Variants in EIF2S3B observed in about 807,000 individuals in gnomAD.
EIF2S3B encodes eukaryotic translation initiation factor 2 subunit 3B.
EIF2S3B carries 16 observed loss-of-function variants against 26.4 expected under a neutral mutation model. That is an observed-to-expected ratio of 0.61 (90% CI 0.41 to 0.92). The LOEUF is 0.92. EIF2S3B is among the 40% of genes least tolerant of loss of function. The pLI, the probability that EIF2S3B is intolerant of heterozygous loss-of-function variation, is 0.00. For synonymous variants in EIF2S3B, 183 were observed against 204.4 expected (o/e 0.90, Z 0.89); for missense variants, 510 against 575.5 (o/e 0.89, Z 1.16).
At chr12:10,511,538 G>A (rs541956397), downstream of EIF2S3B, among the ~76,000 whole-genome samples, 1 of 152,124 alleles carries the variant, frequency 6.6e-6, no homozygotes, top group Non-Finnish European at 1.5e-5. Context: ...ATATTTTGAA[G>A]TGTCAGAACA....
rs1466590376 is a variant in EIF2S3B, at chr12:10,506,913, T to G, written c.1011T>G (p.Ile337Met). The change falls in exon 1 of 1, where the codon ATT becomes ATG. Residue 337 changes from isoleucine to methionine, a missense_variant. Ile to Met is a conservative substitution (Grantham distance 10). Coordinates refer to ENST00000538173, the MANE Select transcript of EIF2S3B (RefSeq NM_001357734.3). ...DLQYAAPGGLIGVGTKIDPTL... is the reference protein window; with the variant it reads ...DLQYAAPGGLMGVGTKIDPTL... Reference sequence around the variant, plus strand: ...AATATGCTGCTCCAGGCGGTCTTATTGGAGTTGGAACAAAAATTGACCCCA... The same window carrying G: ...AATATGCTGCTCCAGGCGGTCTTATGGGAGTTGGAACAAAAATTGACCCCA... 5.0e-6 allele frequency: 8 copies of G among 1,613,702 alleles called. No homozygotes were observed. The highest frequency in any genetic ancestry group is 3.3e-5 in the Admixed American group (2 of 59,994).
At position 10,507,165 on chromosome 12, in the gene EIF2S3B, G is replaced by T; in HGVS notation, c.1263G>T (p.Lys421Asn). The T allele has an allele frequency of 6.2e-7, 1 of 1,613,896 alleles. No homozygotes were observed. The highest frequency in any genetic ancestry group is 2.2e-5 in the East Asian group (1 of 44,884). Residue 421 changes from lysine to asparagine, a missense_variant, in exon 1 of 1, where the codon AAG becomes AAT. Coordinates refer to ENST00000538173, the MANE Select transcript of EIF2S3B (RefSeq NM_001357734.3). ...CAGGAGGGAGAGTTAGTGCTGTCAA[G>T]GCCGATTTGGGCAAAATTGTTTTGA... Reference protein sequence around the residue: ...LSTGGRVSAVKADLGKIVLTN... With the variant: ...LSTGGRVSAVNADLGKIVLTN...
At chr12:10,519,951 G>A (rs1864812258) in intron 1 of EIF2S3B, among the ~76,000 whole-genome samples, 1 of 152,104 alleles carries the variant, frequency 6.6e-6, no homozygotes, top group Non-Finnish European at 1.5e-5. Context: ...AGTCAGTGTG[G>A]CAATGCCTCA....
At position 10,519,646 on chromosome 12, in the gene EIF2S3B, C is replaced by T. The variant is rs183542321; in HGVS notation, c.1309-2957C>T. Among the ~76,000 whole-genome samples the T allele has an allele frequency of 7.6e-4, 115 of 152,222 alleles. 2 individuals are homozygous for T. The highest frequency in any genetic ancestry group is 3.4e-3 in the Middle Eastern group (1 of 294). Reference sequence around the variant, plus strand: ...GCTAATATCCAGAATCTACAATGAACTCAAACAAATTTACAGGAAAAAAAC... The same window carrying T: ...GCTAATATCCAGAATCTACAATGAATTCAAACAAATTTACAGGAAAAAAAC... On this transcript the variant is annotated intron_variant, in intron 1 of 1. Transcript: ENST00000322446.
At position 10,507,524 on chromosome 12, in the gene EIF2S3B, G is replaced by A. The variant is rs1233480598; in HGVS notation, c.*203G>A. On this transcript the variant is annotated 3_prime_UTR_variant, in exon 1 of 1. Transcript: ENST00000538173. ...CAATTAGTATAAAAATTGGCATAATGTTGGATTGAATCTACATTTTGGCAG... is the reference window on the plus strand; with the variant it reads ...CAATTAGTATAAAAATTGGCATAATATTGGATTGAATCTACATTTTGGCAG... The A allele has an allele frequency of 6.3e-6, 4 of 632,344 alleles. No homozygotes were observed. The African/African-American group carries it at 7.4e-5, about 12-fold the overall frequency. 39.2% of individuals were successfully genotyped at this position (632,344 alleles called of 1,614,324 possible). A position where few individuals can be genotyped will look rare whatever the true frequency, so the allele number is the denominator to read the frequency against.
At chr12:10,509,610 C>T (rs890775808), downstream of EIF2S3B, among the ~76,000 whole-genome samples, 5 of 151,862 alleles carry the variant, frequency 3.3e-5, no homozygotes, top group East Asian at 1.9e-4. Flanking sequence ...ATCCAAATTG[C>T]ACAACCAATT....
At chr12:10,520,275 C>T (rs1054663809) in intron 1 of EIF2S3B, among the ~76,000 whole-genome samples, 1 of 150,278 alleles carries the variant, frequency 6.7e-6, no homozygotes, top group Non-Finnish European at 1.5e-5. Context: ...AAACCAAACA[C>T]CGCATGTTCT....
rs569023433 is a variant in EIF2S3B at position 10,507,467 on chromosome 12, T to C, written c.*146T>C. The C allele has an allele frequency of 7.2e-6, 6 of 835,202 alleles. No individual in the cohort carries two copies. The highest frequency in any genetic ancestry group is 1.9e-5 in the South Asian group (1 of 52,014). 51.7% of individuals were successfully genotyped at this position (835,202 alleles called of 1,614,324 possible). On this transcript the variant is annotated 3_prime_UTR_variant, in exon 1 of 1. Transcript: ENST00000538173. Reference sequence around the variant, plus strand: ...AGGTAACGGTAAGGTTATTCTCTCTTTTTTTTTTTGGTTATGAAAACTTAG... The same window carrying C: ...AGGTAACGGTAAGGTTATTCTCTCTCTTTTTTTTTGGTTATGAAAACTTAG...
chr12:10,518,379 T>G (rs1247540275), intron 1 of EIF2S3B, among the ~76,000 whole-genome samples: 1 of 152,172 alleles, frequency 6.6e-6, no homozygotes, highest in Non-Finnish European at 1.5e-5. Context: ...TCTTTTGATC[T>G]TTGTTGGTTT....
In EIF2S3B at chr12:10,507,559, AT is replaced by A. The variant is rs1211740937; in HGVS notation, c.*240del. 5.1e-6 allele frequency: 3 copies of A among 591,582 alleles called. No individual in the cohort carries two copies. The highest frequency in any genetic ancestry group is 3.7e-5 in the African/African-American group (2 of 53,754). The allele number at this position is 591,582 out of a possible 1,614,324, so 36.6% of individuals were successfully genotyped here. A position where few individuals can be genotyped will look rare whatever the true frequency, so the allele number is the denominator to read the frequency against. ...ATCTACATTTTGGCAGAAGTTAAGC[AT>A]TCCCACATAATGTCAAAATTATACA... On this transcript the variant is annotated 3_prime_UTR_variant, in exon 1 of 1. Coordinates refer to ENST00000538173, the MANE Select transcript of EIF2S3B (RefSeq NM_001357734.3).
chr12:10,507,222 A>C lies in EIF2S3B; in HGVS notation c.1320A>C (p.Lys440Asn). The C allele has an allele frequency of 6.2e-7, 1 of 1,613,912 alleles. No homozygotes were observed. The highest frequency in any genetic ancestry group is 2.2e-5 in the East Asian group (1 of 44,884). The change falls in exon 1 of 1, where the codon AAA (lysine) becomes AAC (asparagine). Residue 440 changes from lysine (K) to asparagine (N), a missense_variant. By Grantham distance (94) the Lys-to-Asn change is moderately conservative (BLOSUM62 0). Transcript: ENST00000538173. ...CAGTGTGCACAGAGGTAGGAGAAAA[A>C]ATTGCCCTTAGCCGAAGAGTTGAAA... Reference protein sequence around the residue: ...TNPVCTEVGEKIALSRRVEKH... With the variant: ...TNPVCTEVGENIALSRRVEKH...
chr12:10,516,179 G>A, intron 1 of EIF2S3B, among the ~76,000 whole-genome samples: 1 of 151,986 alleles, frequency 6.6e-6, no homozygotes, highest in South Asian at 2.1e-4. Flanking sequence ...AATATCATCA[G>A]TACCATTATG....
chr12:10,521,202 A>C (rs1372255111), intron 1 of EIF2S3B, among the ~76,000 whole-genome samples: 1 of 152,150 alleles, frequency 6.6e-6, no homozygotes, highest in East Asian at 1.9e-4. Flanking sequence ...CACAGTCTGC[A>C]ATCTGCCAGA....
downstream of EIF2S3B, among the ~76,000 whole-genome samples, chr12:10,509,297 T>C (rs1021311178): frequency 2.0e-5 from 3 of 152,044 alleles, no homozygotes; most frequent in Non-Finnish European, 2.9e-5. Flanking sequence ...AAGTAATATA[T>C]AGACACACTT....
intron 1 of EIF2S3B, among the ~76,000 whole-genome samples, chr12:10,515,141 T>A (rs1219887918): frequency 6.6e-6 from 1 of 152,044 alleles, no homozygotes; most frequent in African/African-American, 2.4e-5. Flanking sequence ...CCATCTACAT[T>A]AGTCTTGTTT....
At chr12:10,522,662 T>A (rs1864845519) in exon 2 of EIF2S3B, 1 of 698,748 alleles carries the variant, frequency 1.4e-6, no homozygotes, top group South Asian at 1.5e-5. Context: ...TTCTTACCAA[T>A]GAGACACAGA....
chr12:10,514,753 C>T (rs140443827), intron 1 of EIF2S3B, among the ~76,000 whole-genome samples: 10 of 152,230 alleles, frequency 6.6e-5, no homozygotes, highest in East Asian at 5.8e-4. Context: ...TGCAATTCTA[C>T]GTTGTAAATA....
intron 1 of EIF2S3B, among the ~76,000 whole-genome samples, chr12:10,521,655 C>T (rs1053400535): frequency 6.6e-6 from 1 of 152,070 alleles, no homozygotes; most frequent in African/African-American, 2.4e-5. Context: ...GAAAATATTT[C>T]CTTTTCTAAG....
In EIF2S3B at chr12:10,506,749, A is replaced by T; in HGVS notation, c.847A>T (p.Ile283Phe). ...DLKGGVAGGS[I>F]LKGVLKVGQE... ...TAAGGGAGGTGTAGCTGGTGGTAGTATCCTAAAAGGAGTATTAAAGGTGGG... is the reference window on the plus strand; with the variant it reads ...TAAGGGAGGTGTAGCTGGTGGTAGTTTCCTAAAAGGAGTATTAAAGGTGGG... Residue 283 changes from isoleucine (I) to phenylalanine (F), a missense_variant, in exon 1 of 1, where the codon ATC becomes TTC. Ile to Phe is a conservative substitution (Grantham distance 21, BLOSUM62 0). Transcript: ENST00000538173. 6.2e-7 allele frequency: 1 copy of T among 1,614,052 alleles called. No individual in the cohort carries two copies. Among genetic ancestry groups the T allele is most frequent in the Non-Finnish European group, 8.5e-7 (1 of 1,179,894 alleles).
Sources: gnomAD v4.1 joint callset for allele counts (sites outside exome capture counted in the v4.1 genomes callset) on GRCh38, gnomAD v4.1.1 for gene constraint, MANE v1.5 for transcripts, NCBI Gene and HGNC (gene_info 2026-07-23, HGNC 2026-07-21) for gene names.